The following HIRA variants were observed in gnomAD, a reference collection of about 807,000 sequenced individuals.
HIRA encodes the protein protein HIRA.
In HIRA, 13 loss-of-function variants were observed where a neutral mutation model predicts 126.6. The observed-to-expected ratio is 0.10, with a 90% CI of 0.07 to 0.16. The LOEUF (loss-of-function observed/expected upper bound fraction) is 0.16. Among genes scored for constraint, HIRA ranks in the 10% least tolerant of loss-of-function variants. The probability of loss-of-function intolerance (pLI) is 1.00; values close to 1 mark genes in which losing one functional copy is unlikely to be tolerated. For missense variants in HIRA, 834 were observed against 1,314.4 expected (o/e 0.63, Z 5.65); for synonymous variants, 511 against 520.0 (o/e 0.98, Z 0.24).
intron 24 of HIRA, among the ~76,000 whole-genome samples, chr22:19,336,498 A>C (rs1210633880): frequency 2.6e-5 from 4 of 152,238 alleles, no homozygotes; most frequent in African/African-American, 9.6e-5. Flanking sequence ...ACAACAGCTA[A>C]TTCCACTGCC....
intron 8 of HIRA, among the ~76,000 whole-genome samples, chr22:19,393,680 G>A (rs183088138): frequency 1.6e-4 from 24 of 152,156 alleles, no homozygotes; most frequent in Middle Eastern, 3.4e-3. Flanking sequence ...ATTTAAACAC[G>A]GGCAAAAGTG....
intron 7 of HIRA, among the ~76,000 whole-genome samples, chr22:19,395,995 C>T (rs2089220336): frequency 6.6e-6 from 1 of 152,188 alleles, no homozygotes; most frequent in Non-Finnish European, 1.5e-5. Context: ...AACTGTACTG[C>T]TAACTCCAGC....
chr22:19,394,257 TTAAGTA>T (rs2089205580), intron 8 of HIRA, 79 bp downstream of exon 8: 16 of 1,460,676 alleles, frequency 1.1e-5, no homozygotes, highest in Non-Finnish European at 1.5e-5. Flanking sequence ...TTTTAAATAT[TTAAGTA>T]TAACTATTCA....
In HIRA at chr22:19,338,602, G is replaced by A. The variant is rs539006075; in HGVS notation, c.2938-7046C>T. On this transcript the variant is annotated intron_variant, in intron 24 of 24. Coordinates refer to ENST00000263208, the MANE Select transcript of HIRA (RefSeq NM_003325.4). ...TAACACATATGGACTCACATAAGTT[G>A]AGGGTAAAGGGGTGAAAAAAGATAT... is the stretch of plus-strand genomic sequence containing the variant. Among the ~76,000 whole-genome samples the A allele has an allele frequency of 7.2e-5, 11 of 152,288 alleles. No individual in the cohort carries two copies. The South Asian group carries it at 8.3e-4, about 11-fold the overall frequency.
intron 15 of HIRA, among the ~76,000 whole-genome samples, chr22:19,371,801 A>T (rs1259670805): frequency 1.3e-5 from 2 of 152,248 alleles, no homozygotes; most frequent in African/African-American, 2.4e-5. Context: ...ACATGTAAGC[A>T]TTCCATTCCT....
chr22:19,426,610 A>C (rs78389826), intron 1 of HIRA, among the ~76,000 whole-genome samples: 1 of 152,044 alleles, frequency 6.6e-6, no homozygotes. Flanking sequence ...TTGTATGTCA[A>C]TCTCTCTCAT....
At chr22:19,384,147 G>A (rs879920965) in intron 12 of HIRA, among the ~76,000 whole-genome samples, 7 of 151,874 alleles carry the variant, frequency 4.6e-5, no homozygotes, top group Admixed American at 4.6e-4. Context: ...GTGAAACCCC[G>A]TCTCTACTAA....
chr22:19,363,629 G>A (rs989092172), intron 15 of HIRA, among the ~76,000 whole-genome samples: 1 of 152,186 alleles, frequency 6.6e-6, no homozygotes, highest in Admixed American at 6.5e-5. Context: ...TGGGTGTGGT[G>A]GCTCTTTCCT....
At chr22:19,378,902 T>C (rs998962691) in intron 13 of HIRA, among the ~76,000 whole-genome samples, 4 of 152,368 alleles carry the variant, frequency 2.6e-5, no homozygotes, top group East Asian at 1.9e-4. Context: ...TTACAAGCCA[T>C]GTATGAGAGC....
intron 15 of HIRA, among the ~76,000 whole-genome samples, chr22:19,362,193 G>T (rs887346848): frequency 1.3e-5 from 2 of 152,174 alleles, no homozygotes; most frequent in Non-Finnish European, 2.9e-5. Context: ...ATGCAGGCCA[G>T]AAACTCACAT....
At position 19,331,460 on chromosome 22, in the gene HIRA, C is replaced by T. The variant is rs372378827; in HGVS notation, c.3034G>A (p.Asp1012Asn). 16 of 1,613,966 alleles carry T rather than the reference C, an allele frequency of 9.9e-6. 1 individual carries two copies. The Admixed American group carries it at 1.2e-4, about 12-fold the overall frequency. ...GCAGGCTACTTGTCCCTCAGGATGT[C>T]GAGCTGTTCCTGACACTCGGTGAAG... is the stretch of plus-strand genomic sequence containing the variant. Reference protein sequence around the residue: ...RLFTECQEQLDILRDK With the variant: ...RLFTECQEQLNILRDK Residue 1012 changes from aspartate to asparagine, a missense_variant, in exon 25 of 25, where the codon GAC becomes AAC. Physicochemically the swap from Asp to Asn is conservative, Grantham distance 23. This residue lies in a region of HIRA where 58 missense variants were observed against 114.5 expected (regional missense o/e 0.51). Transcript: ENST00000263208.
Position 19,331,411 on chromosome 22 carries a change from T to C in HIRA, c.*29A>G. The C allele has an allele frequency of 6.2e-7, 1 of 1,612,886 alleles. No individual in the cohort carries two copies. The highest frequency in any genetic ancestry group is 8.5e-7 in the Non-Finnish European group (1 of 1,179,572). ...CAGCGGCGAGAGTGTGGCCCTGCCC[T>C]TGCTGCAGCCAGGGCAGGCTGGGGC... On this transcript the variant is annotated 3_prime_UTR_variant, in exon 25 of 25. Transcript: ENST00000263208.
chr22:19,419,909 T>C (rs2089429981), intron 1 of HIRA, among the ~76,000 whole-genome samples: 2 of 152,230 alleles, frequency 1.3e-5, no homozygotes, highest in African/African-American at 4.8e-5. Flanking sequence ...CTGTTATCTC[T>C]ACCACTTTCG....
At chr22:19,408,853 G>C (rs2089327941) in intron 2 of HIRA, among the ~76,000 whole-genome samples, 1 of 152,198 alleles carries the variant, frequency 6.6e-6, no homozygotes, top group African/African-American at 2.4e-5. Flanking sequence ...TAGCAATCAG[G>C]AGGGAACTGA....
At chr22:19,423,642 T>G (rs1244857595) in intron 1 of HIRA, among the ~76,000 whole-genome samples, 1 of 152,142 alleles carries the variant, frequency 6.6e-6, no homozygotes, top group African/African-American at 2.4e-5. Flanking sequence ...TCCCTGGACC[T>G]CAAATAAGGC....
intron 15 of HIRA, among the ~76,000 whole-genome samples, chr22:19,366,465 C>A (rs1313896164): frequency 2.6e-5 from 4 of 152,208 alleles, no homozygotes; most frequent in African/African-American, 4.8e-5. Context: ...TTAAGAACAT[C>A]AGTGATTCAT....
intron 7 of HIRA, among the ~76,000 whole-genome samples, chr22:19,394,974 G>A (rs1287351593): frequency 6.6e-6 from 1 of 152,230 alleles, no homozygotes; most frequent in East Asian, 1.9e-4. Flanking sequence ...TAATGTAGCT[G>A]ATGACTGTGA....
intron 15 of HIRA, among the ~76,000 whole-genome samples, chr22:19,374,102 GC>G (rs1200986360): frequency 1.3e-5 from 2 of 152,040 alleles, no homozygotes; most frequent in Admixed American, 1.3e-4. Flanking sequence ...GGAGGCTGAG[GC>G]GGGTGGATCA....
chr22:19,337,104 CTTTTT>C (rs1157049673), intron 24 of HIRA, among the ~76,000 whole-genome samples: 1 of 148,426 alleles, frequency 6.7e-6, no homozygotes, highest in Non-Finnish European at 1.5e-5. Flanking sequence ...TTTTCTTTTT[CTTTTT>C]TTTTTGAGAC....
Sources: allele counts gnomAD v4.1 joint callset (sites outside exome capture counted in the v4.1 genomes callset), GRCh38; gene constraint gnomAD v4.1.1; regional missense constraint gnomAD v4.1.1; transcripts MANE v1.5; gene names NCBI Gene and HGNC (gene_info 2026-07-23, HGNC 2026-07-21).